Variants in PTPRN2 observed in about 807,000 individuals in gnomAD.
PTPRN2 encodes receptor-type tyrosine-protein phosphatase N2.
A neutral mutation model predicts 118.8 loss-of-function variants in PTPRN2; 74 were observed. The observed-to-expected ratio is 0.62, with a 90% confidence interval of 0.52 to 0.76. The LOEUF (loss-of-function observed/expected upper bound fraction) is 0.76, where lower values mean the gene tolerates loss of function less well. PTPRN2 is among the 30% of genes least tolerant of loss of function. The pLI, the probability that PTPRN2 is intolerant of heterozygous loss-of-function variation, is 0.00. For missense variants in PTPRN2, 1,481 were observed against 1,394.4 expected, an observed-to-expected ratio of 1.06 and a Z score of -0.99; for synonymous variants, 641 against 608.0, an observed-to-expected ratio of 1.05 and a Z score of -0.80.
chr7:158,386,995 G>A (rs374306208), intron 2 of PTPRN2, among the ~76,000 whole-genome samples: 119 of 152,290 alleles, frequency 7.8e-4, no homozygotes, highest in African/African-American at 2.6e-3. Flanking sequence ...CTGAGGATGG[G>A]GGGACTGTGG....
intron 12 of PTPRN2, among the ~76,000 whole-genome samples, chr7:157,802,543 C>T (rs58052853): frequency 1.5e-3 from 230 of 152,340 alleles, no homozygotes; most frequent in Middle Eastern, 6.8e-3. Context: ...AACTCCGGAG[C>T]GCACCCGTCA....
chr7:158,424,763 G>A (rs1815561766), intron 2 of PTPRN2, among the ~76,000 whole-genome samples: 2 of 151,840 alleles, frequency 1.3e-5, no homozygotes, highest in African/African-American at 4.8e-5. Context: ...GGGGCCCACA[G>A]GCATTAACCA....
intron 2 of PTPRN2, among the ~76,000 whole-genome samples, chr7:158,341,348 A>C (rs1386802310): frequency 1.3e-5 from 2 of 150,204 alleles, no homozygotes; most frequent in South Asian, 2.1e-4. Flanking sequence ...CACTCTCACC[A>C]TAAGAGGTAA....
At chr7:158,429,557 C>A (rs1347323032) in intron 2 of PTPRN2, among the ~76,000 whole-genome samples, 1 of 152,214 alleles carries the variant, frequency 6.6e-6, no homozygotes, top group African/African-American at 2.4e-5. Context: ...TCATTCCCGG[C>A]CTGGGAGAGC....
chr7:158,359,737 C>T (rs978853838), intron 2 of PTPRN2, among the ~76,000 whole-genome samples: 4 of 152,092 alleles, frequency 2.6e-5, no homozygotes, highest in African/African-American at 9.7e-5. Flanking sequence ...TGTCGATGAA[C>T]GGATAATGAA....
intron 12 of PTPRN2, among the ~76,000 whole-genome samples, chr7:157,683,453 A>AT (rs1797008924): frequency 1.3e-5 from 2 of 152,126 alleles, no homozygotes; most frequent in African/African-American, 4.8e-5. Context: ...TTCACAGAAC[A>AT]TTCTCCCTCC....
intron 12 of PTPRN2, among the ~76,000 whole-genome samples, chr7:157,842,570 A>T (rs1487415640): frequency 6.6e-6 from 1 of 151,978 alleles, no homozygotes; most frequent in Admixed American, 6.5e-5. Flanking sequence ...AGGCACCACC[A>T]TGCCCAGCTA....
intron 2 of PTPRN2, among the ~76,000 whole-genome samples, chr7:158,389,703 C>T (rs984375843): frequency 6.6e-6 from 1 of 152,248 alleles, no homozygotes; most frequent in Non-Finnish European, 1.5e-5. Flanking sequence ...TGCGAGAACA[C>T]GGATGACAAC....
At chr7:158,319,398 CCACACACACACACAGCCTCCCACACACA>C (rs200450486) in intron 2 of PTPRN2, among the ~76,000 whole-genome samples, 5 of 118,916 alleles carry the variant, frequency 4.2e-5, no homozygotes, top group Admixed American at 8.7e-5. Flanking sequence ...ACACAGCCTC[CCACACACACACACAGCCTCCCACACACA>C]CACACACACA....
intron 3 of PTPRN2, among the ~76,000 whole-genome samples, chr7:158,308,680 T>C (rs1801477515): frequency 4.0e-5 from 1 of 25,094 alleles, no homozygotes; most frequent in South Asian, 2.3e-3. Context: ...AATGTTAATT[T>C]GAATTAATAA....
intron 17 of PTPRN2, among the ~76,000 whole-genome samples, chr7:157,580,546 CCCTGCACATCTGAGCA>C (rs1351436771): frequency 7.0e-6 from 1 of 143,744 alleles, no homozygotes; most frequent in Non-Finnish European, 1.5e-5. Flanking sequence ...CGAGCCGAGC[CCCTGCACATCTGAGCA>C]CCTGCACATC....
At chr7:157,635,534 G>A (rs1804257961) in intron 14 of PTPRN2, among the ~76,000 whole-genome samples, 1 of 152,256 alleles carries the variant, frequency 6.6e-6, no homozygotes, top group Admixed American at 6.5e-5. Context: ...AAAATCAAGT[G>A]AACAATCAGA....
intron 5 of PTPRN2, among the ~76,000 whole-genome samples, chr7:158,188,187 G>GT (rs1194648845): frequency 0.086 from 5,293 of 61,594 alleles, 834 homozygotes; most frequent in Non-Finnish European, 0.12. Context: ...CTCGCCCCGC[G>GT]ATGGGGAAGG....
chr7:158,341,353 A>T (rs1806731759), intron 2 of PTPRN2, among the ~76,000 whole-genome samples: 2 of 147,694 alleles, frequency 1.4e-5, no homozygotes, highest in Non-Finnish European at 3.0e-5. Context: ...TCACCATAAG[A>T]GGTAACACAT....
Position 157,629,997 on chromosome 7 carries a change from A to G in PTPRN2, c.2197-8488T>C, listed in dbSNP as rs915835731. On this transcript the variant is annotated intron_variant, in intron 14 of 22. Coordinates refer to ENST00000389418, the MANE Select transcript of PTPRN2 (RefSeq NM_002847.5). This position sits in a 1 kb window ranked among gnomAD's most constrained non-coding sequence, Gnocchi z 4.4. ...ATGACCTTTTCTTTCTTTAAAAATA[A>G]ACACAGTCACCTGTCTTCATTAATA... is the stretch of plus-strand genomic sequence containing the variant. Among the ~76,000 whole-genome samples the G allele has an allele frequency of 2.8e-4, 42 of 152,320 alleles. No individual in the cohort carries two copies. The highest frequency in any genetic ancestry group is 1.0e-3 in the African/African-American group (42 of 41,558).
rs1442093629 is a variant in PTPRN2 at position 158,546,799 on chromosome 7, G to A, written c.112+40759C>T. ...TGTGAGTTGAGCACGTCTCACGTAT[G>A]CACCAACATGCAGATGCACACACAG... On this transcript the variant is annotated intron_variant, in intron 1 of 22. Coordinates refer to ENST00000389418, the MANE Select transcript of PTPRN2 (RefSeq NM_002847.5). The surrounding 1 kb of genome is among the most constrained non-coding windows in gnomAD (Gnocchi z 5.0). Among the ~76,000 whole-genome samples, 14 of 152,232 alleles carry A rather than the reference G, an allele frequency of 9.2e-5. No individual in the cohort carries two copies. Among genetic ancestry groups the A allele is most frequent in the Admixed American group, 9.2e-4 (14 of 15,288 alleles).
chr7:157,756,296 TTTAA>T (rs762179055), intron 12 of PTPRN2, among the ~76,000 whole-genome samples: 203 of 148,678 alleles, frequency 1.4e-3, no homozygotes, highest in African/African-American at 4.9e-3. Flanking sequence ...TTTTTAATCT[TTTAA>T]TTAATTTTTT....
chr7:158,155,746 CACCATCACCAT>C (rs1821751021), intron 6 of PTPRN2, among the ~76,000 whole-genome samples: 2 of 21,466 alleles, frequency 9.3e-5, no homozygotes, highest in African/African-American at 2.0e-4. Context: ...TCACCATCAT[CACCATCACCAT>C]CATCATCACC....
intron 11 of PTPRN2, among the ~76,000 whole-genome samples, chr7:158,078,426 G>A (rs73748025): frequency 0.033 from 5,047 of 152,286 alleles, 290 homozygotes; most frequent in African/African-American, 0.11. Context: ...ACCACCACAC[G>A]TCCTTCCATA....
Sources: allele counts gnomAD v4.1 joint callset (sites outside exome capture counted in the v4.1 genomes callset), GRCh38; gene constraint gnomAD v4.1.1; non-coding constraint Gnocchi (gnomAD v3.1); transcripts MANE v1.5; gene names NCBI Gene and HGNC (gene_info 2026-07-23, HGNC 2026-07-21).